Variants in LPIN2 observed in about 807,000 individuals in gnomAD.
LPIN2 encodes lipin 2.
LPIN2 carries 55 observed loss-of-function variants against 111.4 expected under a neutral mutation model. The observed-to-expected ratio is 0.49, with a 90% CI of 0.40 to 0.62. LPIN2 has a LOEUF of 0.62. LPIN2 is among the 20% of genes least tolerant of loss of function. The pLI is 0.00. For synonymous variants in LPIN2, 425 were observed against 414.0 expected, an observed-to-expected ratio of 1.03 and a Z score of -0.32; for missense variants, 992 against 1,112.1, an observed-to-expected ratio of 0.89 and a Z score of 1.54.
intron 1 of LPIN2, among the ~76,000 whole-genome samples, chr18:2,963,746 T>A (rs2077747060): frequency 6.6e-6 from 1 of 151,852 alleles, no homozygotes; most frequent in South Asian, 2.1e-4. Context: ...CATCCCTATC[T>A]TGAGGCTTAC....
chr18:2,955,047 G>A (rs187348209), intron 2 of LPIN2, among the ~76,000 whole-genome samples: 54 of 152,200 alleles, frequency 3.5e-4, no homozygotes, highest in African/African-American at 1.2e-3. Context: ...AGATCACTAC[G>A]TAAGTAACAG....
intron 1 of LPIN2, among the ~76,000 whole-genome samples, chr18:2,993,866 T>C (rs1266174575): frequency 6.6e-6 from 1 of 152,184 alleles, no homozygotes; most frequent in South Asian, 2.1e-4. Flanking sequence ...ACCAGCAGCA[T>C]ACATGTATAC....
rs1568515942 is a variant in LPIN2, at chr18:2,925,882, T to C, written c.1794-514A>G. On this transcript the variant is annotated intron_variant, in intron 13 of 19. Coordinates refer to ENST00000677752, the MANE Select transcript of LPIN2 (RefSeq NM_001375808.2). This position sits in a 1 kb window ranked among gnomAD's most constrained non-coding sequence, Gnocchi z 4.1. ...TTAGCCAGGGGTAGTGACACTTGTC[T>C]GTGGTCCTAACTACTTGGGAGGCTG... is the stretch of plus-strand genomic sequence containing the variant. 1.3e-5 allele frequency among the ~76,000 whole-genome samples: 2 copies of C among 152,108 alleles called. No homozygotes were observed. The highest frequency in any genetic ancestry group is 4.1e-4 in the South Asian group (2 of 4,824).
intron 1 of LPIN2, among the ~76,000 whole-genome samples, chr18:2,995,960 C>T (rs1030647949): frequency 6.6e-6 from 1 of 152,114 alleles, no homozygotes; most frequent in African/African-American, 2.4e-5. Context: ...AGCAGGGTAC[C>T]AAGCTTCCTT....
At chr18:2,949,061 C>A (rs2077497100) in intron 4 of LPIN2, among the ~76,000 whole-genome samples, 1 of 152,076 alleles carries the variant, frequency 6.6e-6, no homozygotes, top group African/African-American at 2.4e-5. Context: ...CCTTGGCCTC[C>A]CAAAGTGCTG....
Position 2,953,801 on chromosome 18 carries a change from G to A in LPIN2, c.288+703C>T, listed in dbSNP as rs1029614845. ...GAATTTTTAAAAAGATGCACATTAC[G>A]TGATCTGAGTTCTTTAGTGAGAATG... On this transcript the variant is annotated intron_variant, in intron 3 of 19. Transcript: ENST00000677752. Among the ~76,000 whole-genome samples the A allele has an allele frequency of 3.3e-5, 5 of 152,036 alleles. No homozygotes were observed. In the South Asian group the frequency reaches 6.2e-4, roughly 19 times the overall value.
chr18:2,951,574 T>C (rs1284879390), intron 3 of LPIN2, among the ~76,000 whole-genome samples: 3 of 152,164 alleles, frequency 2.0e-5, no homozygotes, highest in African/African-American at 7.2e-5. Flanking sequence ...CTTGGGTACA[T>C]GTAACTGAGT....
At chr18:2,942,131 C>G (rs1784745) in intron 4 of LPIN2, among the ~76,000 whole-genome samples, 79,502 of 151,624 alleles carry the variant, frequency 0.52, 21,804 homozygotes, top group Non-Finnish European at 0.61. Flanking sequence ...ACTTAACATA[C>G]TCTTATTTAC....
intron 2 of LPIN2, among the ~76,000 whole-genome samples, chr18:2,956,456 T>C (rs1441777887): frequency 6.6e-6 from 1 of 152,132 alleles, no homozygotes; most frequent in Non-Finnish European, 1.5e-5. Flanking sequence ...TGTTCGTAAA[T>C]ACTATTCTTC....
intron 15 of LPIN2, 84 bp from the exon 16 acceptor site, chr18:2,923,945 A>C (rs1298843539): frequency 9.4e-7 from 1 of 1,065,284 alleles, no homozygotes; most frequent in Admixed American, 1.7e-5. Flanking sequence ...TCAGCTGCCA[A>C]TAACTAATTG....
At position 2,917,663 on chromosome 18, in the gene LPIN2, A is replaced by C. The variant is rs2144095387; in HGVS notation, c.*2630T>G. 6.6e-6 allele frequency: 1 copy of C among 152,460 alleles called. No homozygotes were observed. Among genetic ancestry groups the C allele is most frequent in the Middle Eastern group, 3.4e-3 (1 of 294 alleles). 9.4% of individuals were successfully genotyped at this position (152,460 alleles called of 1,614,324 possible). A position where few individuals can be genotyped will look rare whatever the true frequency, so the allele number is the denominator to read the frequency against. On this transcript the variant is annotated 3_prime_UTR_variant, in exon 20 of 20. Transcript: ENST00000677752. ...CAGAGCAAAACACAACACAGTACCC[A>C]AAAACGGAGGCAGCCTGCATGCTCC...
rs567645462 is a variant in LPIN2 at position 2,995,826 on chromosome 18, AG to A, written c.-10+17260del. Among the ~76,000 whole-genome samples the A allele has an allele frequency of 9.8e-5, 15 of 152,338 alleles. No individual in the cohort carries two copies. The East Asian group carries it at 2.9e-3, about 29-fold the overall frequency. On this transcript the variant is annotated intron_variant, in intron 1 of 19. Transcript: ENST00000677752. Reference sequence around the variant, plus strand: ...GACTCTGAAAGCAATTTAAAAAGGAAGGGGTGTTTCAAAATGTTTTCCAGAA... The same window carrying A: ...GACTCTGAAAGCAATTTAAAAAGGAAGGGTGTTTCAAAATGTTTTCCAGAA...
At chr18:3,005,468 A>G (rs1239811738) in intron 1 of LPIN2, among the ~76,000 whole-genome samples, 2 of 152,164 alleles carry the variant, frequency 1.3e-5, no homozygotes, top group South Asian at 2.1e-4. Context: ...GCTTGAGCCC[A>G]GAAGTTTCAG....
intron 1 of LPIN2, among the ~76,000 whole-genome samples, chr18:3,012,637 C>G (rs945053649): frequency 1.3e-5 from 2 of 152,204 alleles, no homozygotes; most frequent in Non-Finnish European, 2.9e-5. Flanking sequence ...CCGGCGCCCC[C>G]TCCCGCAGGG....
At chr18:2,940,807 T>G (rs2077357654) in intron 4 of LPIN2, 95 bp from the exon 5 acceptor site, 5 of 747,354 alleles carry the variant, frequency 6.7e-6, no homozygotes, top group Non-Finnish European at 1.2e-5. Flanking sequence ...ACAATCAAAA[T>G]GAAGAGGGGC....
chr18:2,921,557 A>AT lies in LPIN2; in HGVS notation c.2417dup (p.Tyr806Ter). 1.9e-6 allele frequency: 3 copies of AT among 1,613,982 alleles called. No homozygotes were observed. The highest frequency in any genetic ancestry group is 2.5e-6 in the Non-Finnish European group (3 of 1,179,806). ...NLFAPSKQPF[Y>*]AAFGNRPNDV... The stretch of plus-strand genomic sequence containing the variant: ...CATTTGGACGGTTTCCAAAGGCAGC[A>AT]TAGAAGGGCTGCTTAGACGGGGCAA... The change falls in exon 18 of 20, where the codon TAT (tyrosine) becomes TAAT (stop). Residue 806 changes from tyrosine (Y) to a stop codon, truncating the protein, a stop_gained and frameshift_variant. Transcript: ENST00000677752. LOFTEE classifies it high-confidence loss of function.
chr18:2,920,627 T>C (rs1380302061), intron 19 of LPIN2, 151 bp downstream of exon 19: 12 of 799,792 alleles, frequency 1.5e-5, no homozygotes, highest in Non-Finnish European at 1.7e-5. Flanking sequence ...CAAACAGATA[T>C]TGTGAAAGAG....
chr18:2,978,165 C>T (rs987465453), intron 1 of LPIN2, among the ~76,000 whole-genome samples: 2 of 150,118 alleles, frequency 1.3e-5, no homozygotes, highest in East Asian at 2.0e-4. Flanking sequence ...CCAGCCTGGG[C>T]GACAGAGCAA....
intron 8 of LPIN2, among the ~76,000 whole-genome samples, chr18:2,933,892 G>A (rs905987608): frequency 1.3e-5 from 2 of 152,188 alleles, no homozygotes; most frequent in Non-Finnish European, 2.9e-5. Flanking sequence ...CACGGGGCGC[G>A]GGGGCAGTGC....
Sources: allele counts gnomAD v4.1 joint callset (sites outside exome capture counted in the v4.1 genomes callset), GRCh38; gene constraint gnomAD v4.1.1; non-coding constraint Gnocchi (gnomAD v3.1); transcripts MANE v1.5; gene names NCBI Gene and HGNC (gene_info 2026-07-23, HGNC 2026-07-21).